The following APOBEC1 variants were observed in gnomAD, a reference collection of about 807,000 sequenced individuals.
APOBEC1 encodes apolipoprotein B mRNA editing enzyme catalytic subunit 1, also known as C->U-editing enzyme APOBEC-1.
APOBEC1 carries 22 observed loss-of-function variants against 26.3 expected under a neutral mutation model. The observed-to-expected ratio is 0.84, with a 90% CI of 0.60 to 1.19. APOBEC1 has a LOEUF of 1.19. Among genes scored for constraint, APOBEC1 ranks in the 50% most tolerant of loss-of-function variants. APOBEC1 has a pLI of 0.00. For missense variants in APOBEC1, 253 were observed against 289.0 expected (o/e 0.88, Z 0.90); for synonymous variants, 77 against 95.3 (o/e 0.81, Z 1.12).
rs1158753464 is a variant in APOBEC1 at position 7,649,687 on chromosome 12, G to T, written c.571C>A (p.Pro191Thr). The change falls in exon 5 of 5, where the codon CCC (proline) becomes ACC (threonine). Residue 191 changes from proline (P) to threonine (T), a missense_variant. Coordinates refer to ENST00000229304, the MANE Select transcript of APOBEC1 (RefSeq NM_001644.5). ...ELHCIILSLPPCLKISRRWQN... is the reference protein window; with the variant it reads ...ELHCIILSLPTCLKISRRWQN... The stretch of plus-strand genomic sequence containing the variant: ...CATCTTCTTGAAATCTTTAAACAGG[G>T]TGGAAGACTCTGGAATAAAAAAGGA... The T allele has an allele frequency of 1.2e-6, 2 of 1,610,782 alleles. No homozygotes were observed. Among genetic ancestry groups the T allele is most frequent in the Non-Finnish European group, 1.7e-6 (2 of 1,177,110 alleles).
intron 1 of APOBEC1, among the ~76,000 whole-genome samples, chr12:7,659,294 C>CAAAAAAAAA (rs1163730869): frequency 1.2e-4 from 2 of 16,540 alleles, no homozygotes; most frequent in African/African-American, 2.4e-4. Context: ...AACTCCCTCT[C>CAAAAAAAAA]AAAAAAAAAA....
chr12:7,655,731 A>C (rs1425603884), intron 1 of APOBEC1, among the ~76,000 whole-genome samples: 1 of 152,018 alleles, frequency 6.6e-6, no homozygotes, highest in Non-Finnish European at 1.5e-5. Flanking sequence ...GCTTATACCT[A>C]TAATCCCAGC....
intron 1 of APOBEC1, among the ~76,000 whole-genome samples, chr12:7,664,229 A>G (rs1863861810): frequency 2.0e-5 from 3 of 152,134 alleles, no homozygotes; most frequent in Admixed American, 6.6e-5. Context: ...ACTGATATCT[A>G]TATTACCTTC....
chr12:7,669,791 C>G (rs1190872631), upstream of APOBEC1, among the ~76,000 whole-genome samples: 2 of 152,008 alleles, frequency 1.3e-5, no homozygotes, highest in Non-Finnish European at 2.9e-5. Context: ...TGTTATACAA[C>G]CTCATCAGTA....
At position 7,649,969 on chromosome 12, in the gene APOBEC1, C is replaced by T. The variant is rs1863617053; in HGVS notation, c.562-273G>A. On this transcript the variant is annotated intron_variant, in intron 4 of 4. Transcript: ENST00000229304. ...TAGCTGGGACTACAGGCACGCACCA[C>T]CACACCCAGCTAATTTTTTTGTGTT... Among the ~76,000 whole-genome samples the T allele has an allele frequency of 2.0e-5, 3 of 152,112 alleles. No individual in the cohort carries two copies. In the South Asian group the frequency reaches 6.2e-4, roughly 32 times the overall value.
At chr12:7,659,700 C>A (rs1054827586) in intron 1 of APOBEC1, among the ~76,000 whole-genome samples, 1 of 151,940 alleles carries the variant, frequency 6.6e-6, no homozygotes, top group African/African-American at 2.4e-5. Context: ...CCAGGCACAG[C>A]GGCTCATGCC....
At position 7,660,334 on chromosome 12, in the gene APOBEC1, G is replaced by GGAAGGAAGGAAGGGAAGGAA. The variant is rs1555094860; in HGVS notation, c.16+5522_16+5523insTTCCTTCCCTTCCTTCCTTC. On this transcript the variant is annotated intron_variant, in intron 1 of 4. Transcript: ENST00000229304. ...AGAAAGGAAGGAAGGAAGGAAGGAA[G>GGAAGGAAGGAAGGGAAGGAA]GGAAGGAAGGAAGGAAGGAAGGAAG... 1.7e-4 allele frequency among the ~76,000 whole-genome samples: 6 copies of GGAAGGAAGGAAGGGAAGGAA among 35,752 alleles called. No homozygotes were observed. The East Asian group carries it at 2.0e-3, about 12-fold the overall frequency. 23.5% of individuals were successfully genotyped at this position (35,752 alleles called of 152,430 possible). A position where few individuals can be genotyped will look rare whatever the true frequency, so the allele number is the denominator to read the frequency against.
chr12:7,669,033 G>GC (rs746848434), upstream of APOBEC1, among the ~76,000 whole-genome samples: 159 of 151,456 alleles, frequency 1.0e-3, no homozygotes, highest in Non-Finnish European at 1.6e-3. Flanking sequence ...TGCCTGGCCA[G>GC]CACCCCCCAA....
At chr12:7,657,639 A>G (rs1453096734) in intron 1 of APOBEC1, among the ~76,000 whole-genome samples, 1 of 151,956 alleles carries the variant, frequency 6.6e-6, no homozygotes. Context: ...TTGGGAGGCC[A>G]AGGCAAGATG....
chr12:7,651,653 T>C (rs1473910093), intron 3 of APOBEC1, among the ~76,000 whole-genome samples: 2 of 151,562 alleles, frequency 1.3e-5, no homozygotes, highest in South Asian at 2.1e-4. Context: ...TTTTTGTTTT[T>C]GTTTTTTGAT....
At chr12:7,660,369 A>AC in intron 1 of APOBEC1, among the ~76,000 whole-genome samples, 2 of 100,130 alleles carry the variant, frequency 2.0e-5, no homozygotes, top group Non-Finnish European at 4.1e-5. Context: ...GGAAGGAAGG[A>AC]AGGAAGGAAA....
intron 1 of APOBEC1, among the ~76,000 whole-genome samples, chr12:7,663,484 C>T (rs1244009761): frequency 6.6e-6 from 1 of 152,082 alleles, no homozygotes; most frequent in Non-Finnish European, 1.5e-5. Context: ...AAGGGGGTGG[C>T]TGGCACGTTG....
chr12:7,656,285 C>T (rs1044065659), intron 1 of APOBEC1, among the ~76,000 whole-genome samples: 1 of 152,154 alleles, frequency 6.6e-6, no homozygotes, highest in Non-Finnish European at 1.5e-5. Context: ...GGCCTACAAA[C>T]TAATCAGTGT....
At chr12:7,659,322 A>AAAAAAAAATAT (rs1555094633) in intron 1 of APOBEC1, among the ~76,000 whole-genome samples, 4 of 46,290 alleles carry the variant, frequency 8.6e-5, no homozygotes, top group African/African-American at 1.3e-4. Flanking sequence ...AAAAAAAAAA[A>AAAAAAAAATAT]ATATATATAT....
upstream of APOBEC1, chr12:7,665,998 G>C: frequency 1.0e-6 from 1 of 959,482 alleles, no homozygotes; most frequent in Non-Finnish European, 1.7e-6. Flanking sequence ...CCGCATCTCA[G>C]GCAGTTATGG....
At chr12:7,658,108 G>A (rs898405506) in intron 1 of APOBEC1, among the ~76,000 whole-genome samples, 1 of 152,054 alleles carries the variant, frequency 6.6e-6, no homozygotes, top group Non-Finnish European at 1.5e-5. Context: ...CCACCACCCA[G>A]GCTGGAGTCC....
At chr12:7,668,165 T>C (rs180677940), upstream of APOBEC1, among the ~76,000 whole-genome samples, 6 of 152,232 alleles carry the variant, frequency 3.9e-5, no homozygotes, top group Admixed American at 2.6e-4. Flanking sequence ...AGCAGAATTC[T>C]GCTTGCTGGC....
At chr12:7,659,139 A>T (rs1045096867) in intron 1 of APOBEC1, among the ~76,000 whole-genome samples, 5 of 148,524 alleles carry the variant, frequency 3.4e-5, no homozygotes, top group Non-Finnish European at 7.4e-5. Context: ...TACTAAAAAT[A>T]CAAAATTAGC....
chr12:7,668,810 C>A (rs1248800763), upstream of APOBEC1, among the ~76,000 whole-genome samples: 2 of 152,020 alleles, frequency 1.3e-5, no homozygotes, highest in Non-Finnish European at 2.9e-5. Context: ...CTCACTGTAG[C>A]CTCAGCCCCC....
Sources: gnomAD v4.1 joint callset for allele counts (sites outside exome capture counted in the v4.1 genomes callset) on GRCh38, gnomAD v4.1.1 for gene constraint, MANE v1.5 for transcripts, NCBI Gene and HGNC (gene_info 2026-07-23, HGNC 2026-07-21) for gene names.